TMEM236: variants seen among roughly 807,000 people sequenced by gnomAD.
TMEM236 encodes transmembrane protein 236.
In TMEM236, 11 loss-of-function variants were observed where a neutral mutation model predicts 14.7. The ratio of observed to expected loss-of-function variants is 0.75; its 90% CI spans 0.47 to 1.24. TMEM236 has a LOEUF of 1.24. TMEM236 is among the 50% of genes most tolerant of loss of function. The pLI is 0.00. For missense variants in TMEM236, 464 were observed against 427.3 expected (o/e 1.09, Z -0.76); for synonymous variants, 182 against 168.6 (o/e 1.08, Z -0.62).
In TMEM236 at chr10:17,788,979, T is replaced by TGGAGTGGGGTTGA. The variant is rs1177350741; in HGVS notation, c.473-6932_473-6920dup. On this transcript the variant is annotated intron_variant, in intron 3 of 3. Transcript: ENST00000377495. ...GTCAGTGTTTAATCAGTTGCCTTTGTGGAGTGGGGTTGAGGAGTGGGGAAG... is the reference window on the plus strand; with the variant it reads ...GTCAGTGTTTAATCAGTTGCCTTTGTGGAGTGGGGTTGAGGAGTGGGGTTGAGGAGTGGGGAAG... 1.6e-4 allele frequency among the ~76,000 whole-genome samples: 24 copies of TGGAGTGGGGTTGA among 152,286 alleles called. No homozygotes were observed. The East Asian group carries it at 4.4e-3, about 28-fold the overall frequency.
chr10:17,758,816 A>G (rs1837317596), intron 1 of TMEM236, among the ~76,000 whole-genome samples: 2 of 152,364 alleles, frequency 1.3e-5, no homozygotes, highest in South Asian at 2.1e-4. Context: ...TTTGAGAAGA[A>G]TGAACACCAG....
Position 17,798,293 on chromosome 10 carries a change from C to T in TMEM236, c.*1789C>T, listed in dbSNP as rs994443822. 2.5e-4 allele frequency: 74 copies of T among 298,890 alleles called. No individual in the cohort carries two copies. In the East Asian group the frequency reaches 6.4e-3, roughly 26 times the overall value. 18.5% of individuals were successfully genotyped at this position (298,890 alleles called of 1,614,324 possible). On this transcript the variant is annotated 3_prime_UTR_variant, in exon 4 of 4. Transcript: ENST00000377495. ...GTGGCTCACACGTGTAATCCCAGCA[C>T]TTTGGGAGGTTGAGGCAGGTAGATC...
chr10:17,788,467 T>TG (rs1184064375), intron 3 of TMEM236, among the ~76,000 whole-genome samples: 1 of 151,448 alleles, frequency 6.6e-6, no homozygotes, highest in Non-Finnish European at 1.5e-5. Context: ...AACCATCCAG[T>TG]GGGCTGGGCA....
Position 17,789,931 on chromosome 10 carries a change from G to A in TMEM236, c.473-5990G>A, listed in dbSNP as rs983946740. Among the ~76,000 whole-genome samples the A allele has an allele frequency of 2.0e-3, 306 of 152,222 alleles. 2 individuals are homozygous for A. The highest frequency in any genetic ancestry group is 7.0e-3 in the African/African-American group (290 of 41,538). ...CCCAGCTACTCGGGAGGCTGAGGCA[G>A]AAGAAAGGCATGAACCCGGGAGGCG... On this transcript the variant is annotated intron_variant, in intron 3 of 3. Transcript: ENST00000377495.
intron 1 of TMEM236, among the ~76,000 whole-genome samples, chr10:17,764,966 C>T (rs983875901): frequency 3.3e-5 from 5 of 150,672 alleles, no homozygotes; most frequent in African/African-American, 9.7e-5. Flanking sequence ...GGACTACAGG[C>T]GCGCACTACC....
rs931429264 is a variant in TMEM236, at chr10:17,775,100, C to T, written c.331-929C>T. Reference sequence around the variant, plus strand: ...ACAGGTGTGAACCACTGCAACCAGCCTACACTGTTTATTTCATTCTCTGGC... The same window carrying T: ...ACAGGTGTGAACCACTGCAACCAGCTTACACTGTTTATTTCATTCTCTGGC... On this transcript the variant is annotated intron_variant, in intron 2 of 3. Transcript: ENST00000377495. Among the ~76,000 whole-genome samples, 274 of 152,298 alleles carry T rather than the reference C, an allele frequency of 1.8e-3. 1 individual carries two copies. Among genetic ancestry groups the T allele is most frequent in the African/African-American group, 6.4e-3 (264 of 41,562 alleles).
At chr10:17,774,108 A>C (rs1018820438) in intron 2 of TMEM236, among the ~76,000 whole-genome samples, 4 of 152,028 alleles carry the variant, frequency 2.6e-5, no homozygotes, top group Admixed American at 6.6e-5. Flanking sequence ...GCAGTGGTGC[A>C]ATCTCTATTC....
chr10:17,796,478 T>C lies in TMEM236; in HGVS notation c.1030T>C (p.Ser344Pro). 1.2e-6 allele frequency: 2 copies of C among 1,613,692 alleles called. No individual in the cohort carries two copies. Among genetic ancestry groups the C allele is most frequent in the Non-Finnish European group, 1.7e-6 (2 of 1,179,712 alleles). ...TTACCTAACCAGAATCAGGATTTTT[T>C]CTGCCTTTGAAATGTCTCCATTTTA... is the stretch of plus-strand genomic sequence containing the variant. ...FNYLTRIRIFSAFEMSPF is the reference protein window; with the variant it reads ...FNYLTRIRIFPAFEMSPF Residue 344 changes from serine to proline, a missense_variant, in exon 4 of 4, where the codon TCT becomes CCT. Coordinates refer to ENST00000377495, the MANE Select transcript of TMEM236 (RefSeq NM_001098844.3).
intron 1 of TMEM236, among the ~76,000 whole-genome samples, chr10:17,764,829 G>A (rs1009059898): frequency 1.1e-5 from 1 of 93,472 alleles, no homozygotes; most frequent in Non-Finnish European, 2.4e-5. Flanking sequence ...TCTGTTTTCA[G>A]ATTTTCCCTT....
At position 17,796,418 on chromosome 10, in the gene TMEM236, A is replaced by C. The variant is rs940668335; in HGVS notation, c.970A>C (p.Asn324His). Residue 324 changes from asparagine (N) to histidine (H), a missense_variant, in exon 4 of 4, where the codon AAT becomes CAT. Coordinates refer to ENST00000377495, the MANE Select transcript of TMEM236 (RefSeq NM_001098844.3). Reference sequence around the variant, plus strand: ...CACACCCGTACTGGGCCTGTGTAAAAATATCCTCGTGACTCTCTCTTACAT... The same window carrying C: ...CACACCCGTACTGGGCCTGTGTAAACATATCCTCGTGACTCTCTCTTACAT... ...TITPVLGLCK[N>H]ILVTLSYIYF... 2.6e-5 allele frequency: 42 copies of C among 1,613,714 alleles called. No homozygotes were observed. Among genetic ancestry groups the C allele is most frequent in the Non-Finnish European group, 3.3e-5 (39 of 1,179,846 alleles).
chr10:17,758,932 G>A (rs1837318791), intron 1 of TMEM236, among the ~76,000 whole-genome samples: 1 of 152,162 alleles, frequency 6.6e-6, no homozygotes, highest in Admixed American at 6.5e-5. Context: ...TTCATTTCAT[G>A]TTCTCACTAG....
At chr10:17,771,139 G>C (rs1032926574) in intron 1 of TMEM236, 170 bp from the exon 2 acceptor site, 1 of 642,010 alleles carries the variant, frequency 1.6e-6, no homozygotes, top group Admixed American at 2.7e-5. Flanking sequence ...TGGTTTCTGC[G>C]CGTGTTCCTC....
chr10:17,781,339 A>T (rs1554835405), intron 3 of TMEM236, among the ~76,000 whole-genome samples: 1 of 152,230 alleles, frequency 6.6e-6, no homozygotes, highest in African/African-American at 2.4e-5. Flanking sequence ...TCACACCTTG[A>T]ATCAACAAAC....
At chr10:17,781,229 T>C (rs1416621342) in intron 3 of TMEM236, among the ~76,000 whole-genome samples, 13 of 152,238 alleles carry the variant, frequency 8.5e-5, no homozygotes, top group Admixed American at 7.2e-4. Context: ...TGGGAGTGCT[T>C]TTCATTAAAA....
chr10:17,791,890 G>A (rs993096818), intron 3 of TMEM236, among the ~76,000 whole-genome samples: 2 of 152,136 alleles, frequency 1.3e-5, no homozygotes, highest in African/African-American at 4.8e-5. Flanking sequence ...TCACAGTCAT[G>A]AAGCTATGAG....
chr10:17,772,746 G>A (rs1402306973), intron 2 of TMEM236, among the ~76,000 whole-genome samples: 1 of 152,266 alleles, frequency 6.6e-6, no homozygotes, highest in Admixed American at 6.5e-5. Context: ...CCGGCTCCAT[G>A]CCCACACTCC....
intron 2 of TMEM236, among the ~76,000 whole-genome samples, chr10:17,775,167 A>G (rs1382559108): frequency 1.3e-5 from 2 of 152,320 alleles, no homozygotes; most frequent in East Asian, 1.9e-4. Flanking sequence ...GTTGAACAGA[A>G]GTGGCCATGG....
intron 3 of TMEM236, among the ~76,000 whole-genome samples, chr10:17,786,144 C>T (rs1232405545): frequency 7.9e-5 from 12 of 151,948 alleles, no homozygotes; most frequent in Admixed American, 3.3e-4. Flanking sequence ...ACTTGCAAGT[C>T]GCAGAATACT....
At chr10:17,772,402 A>G (rs1837587212) in intron 2 of TMEM236, among the ~76,000 whole-genome samples, 1 of 152,222 alleles carries the variant, frequency 6.6e-6, no homozygotes, top group Non-Finnish European at 1.5e-5. Flanking sequence ...ATTTCAATCT[A>G]GATCTGTCTT....
Sources: gnomAD v4.1 joint callset for allele counts (sites outside exome capture counted in the v4.1 genomes callset) on GRCh38, gnomAD v4.1.1 for gene constraint, MANE v1.5 for transcripts, NCBI Gene and HGNC (gene_info 2026-07-23, HGNC 2026-07-21) for gene names.